The following FASN variants were observed in gnomAD, a reference collection of about 807,000 sequenced individuals.
FASN encodes 3-hydroxyacyl-[acyl-carrier-protein] dehydratase.
In FASN, 50 loss-of-function variants were observed where a neutral mutation model predicts 250.0. The ratio of observed to expected loss-of-function variants is 0.20; its 90% confidence interval spans 0.16 to 0.25. The LOEUF (loss-of-function observed/expected upper bound fraction) is 0.25. Ranked by LOEUF, FASN falls within the 10% of genes least tolerant of loss-of-function variation. The probability of loss-of-function intolerance (pLI) is 1.00; values close to 1 mark genes in which losing one functional copy is unlikely to be tolerated. For missense variants in FASN, 3,031 were observed against 3,498.5 expected, an observed-to-expected ratio of 0.87 and a Z score of 3.37; for synonymous variants, 1,909 against 1,584.0, an observed-to-expected ratio of 1.21 and a Z score of -4.87.
chr17:82,091,419 T>G lies in FASN; in HGVS notation c.1295A>C (p.Glu432Ala), dbSNP rs1359849016. Residue 432 changes from glutamate (E) to alanine (A), a missense_variant, in exon 9 of 43, where the codon GAG (glutamate) becomes GCG (alanine). Physicochemically the swap from Glu to Ala is moderately radical, Grantham distance 107. Coordinates refer to ENST00000306749, the MANE Select transcript of FASN (RefSeq NM_004104.5). ...RLLRASGRTPEAVQKLLEQGL... is the reference protein window; with the variant it reads ...RLLRASGRTPAAVQKLLEQGL... ...CTGCTCCAGCAGCTTCTGCACGGCC[T>G]CAGGGGTGCGTCCGCTGGCCCGCAG... 1.9e-6 allele frequency: 3 copies of G among 1,608,896 alleles called. No individual in the cohort carries two copies. Among genetic ancestry groups the G allele is most frequent in the Non-Finnish European group, 2.5e-6 (3 of 1,178,336 alleles).
Position 82,083,054 on chromosome 17 carries a change from A to G in FASN, c.5627T>C (p.Ile1876Thr). 1 of 1,612,462 alleles carries G rather than the reference A, an allele frequency of 6.2e-7. No individual in the cohort carries two copies. Among genetic ancestry groups the G allele is most frequent in the East Asian group, 2.2e-5 (1 of 44,870 alleles). The change falls in exon 33 of 43, where the codon ATC becomes ACC. Residue 1876 changes from isoleucine (I) to threonine (T), a missense_variant. Ile to Thr is a moderately conservative substitution (Grantham distance 89). Transcript: ENST00000306749. The part of the protein sequence containing the change: ...KGAKPKLMSA[I>T]SKTFCPAHKS... ...GTGGGCCGGGCAGAAGGTCTTGGAGATGGCCGACATCAGCTTGGGTTTGGC... is the reference window on the plus strand; with the variant it reads ...GTGGGCCGGGCAGAAGGTCTTGGAGGTGGCCGACATCAGCTTGGGTTTGGC...
chr17:82,079,655 G>C, intron 41 of FASN, 47 bp from the exon 42 acceptor site: 1 of 1,593,914 alleles, frequency 6.3e-7, no homozygotes, highest in Non-Finnish European at 8.5e-7. Flanking sequence ...CCACAGCACC[G>C]GCCTGCCCTG....
chr17:82,093,483 C>T, intron 4 of FASN, 64 bp from the exon 5 acceptor site: 1 of 1,582,980 alleles, frequency 6.3e-7, no homozygotes, highest in Admixed American at 1.8e-5. Flanking sequence ...GAGCACACCT[C>T]CTGCCACCAG....
Position 82,088,884 on chromosome 17 carries a change from C to T in FASN, c.2305-8G>A, listed in dbSNP as rs374442334. On this transcript the variant is annotated splice_polypyrimidine_tract_variant and splice_region_variant and intron_variant, in intron 14 of 42. Transcript: ENST00000306749. The stretch of plus-strand genomic sequence containing the variant: ...GCCACGCTTCAGGACAGCCTGGGGG[C>T]GGCAGGGCAGGTGGGCTCTCTTGGT... 4.3e-6 allele frequency: 7 copies of T among 1,611,574 alleles called. No individual in the cohort carries two copies. The highest frequency in any genetic ancestry group is 2.7e-5 in the African/African-American group (2 of 74,882).
Position 82,081,215 on chromosome 17 carries a change from G to C in FASN, c.6544C>G (p.Leu2182Val). 6.3e-7 allele frequency: 1 copy of C among 1,593,984 alleles called. No homozygotes were observed. Reference protein sequence around the residue: ...LVLSVREVRQLTLRKLQELSS... With the variant: ...LVLSVREVRQVTLRKLQELSS... ...AGCTCCTGCAGTTTCCGGAGCGTGA[G>C]TTGCCGCACCTCGCGCACGGACAGC... Residue 2182 changes from leucine (L) to valine (V), a missense_variant, in exon 38 of 43, where the codon CTC becomes GTC. Coordinates refer to ENST00000306749, the MANE Select transcript of FASN (RefSeq NM_004104.5).
In FASN at chr17:82,081,073, C is replaced by T. The variant is rs748016182; in HGVS notation, c.6595+91G>A. On this transcript the variant is annotated intron_variant, in intron 38 of 42. Transcript: ENST00000306749. Reference sequence around the variant, plus strand: ...TCAGAATGGCACCCGTGACGAAGGGCGGTATGCCTGCCGGGACACGGTCCA... The same window carrying T: ...TCAGAATGGCACCCGTGACGAAGGGTGGTATGCCTGCCGGGACACGGTCCA... 4.8e-5 allele frequency: 70 copies of T among 1,471,072 alleles called. No homozygotes were observed. The Middle Eastern group carries it at 4.5e-3, about 95-fold the overall frequency. The allele number at this position is 1,471,072 out of a possible 1,614,324, so 91.1% of individuals were successfully genotyped here.
Position 82,085,296 on chromosome 17 carries a change from T to C in FASN, c.4229A>G (p.Asp1410Gly). The change falls in exon 24 of 43, where the codon GAC becomes GGC. Residue 1410 changes from aspartate to glycine, a missense_variant. Physicochemically the swap from Asp to Gly is moderately conservative, Grantham distance 94. Coordinates refer to ENST00000306749, the MANE Select transcript of FASN (RefSeq NM_004104.5). ...LFLCRRPTPQ[D>G]SPIFLPVDDT... ...GTCCACCGGCAGGAAGATGGGGCTG[T>C]CCTGCGGGGTGGGCCGGCGGCACAG... 4.3e-6 allele frequency: 7 copies of C among 1,611,376 alleles called. No homozygotes were observed. The highest frequency in any genetic ancestry group is 5.9e-6 in the Non-Finnish European group (7 of 1,179,478).
intron 14 of FASN, 22 bp downstream of exon 14, chr17:82,088,947 G>A: frequency 1.2e-6 from 2 of 1,607,850 alleles, no homozygotes; most frequent in Non-Finnish European, 1.7e-6. Flanking sequence ...CCCGGCGCCT[G>A]CTGCCCCCAG....
chr17:82,082,954 C>A lies in FASN; in HGVS notation c.5727G>T (p.Val1909=). The A allele has an allele frequency of 1.2e-6, 2 of 1,612,832 alleles. No homozygotes were observed. The highest frequency in any genetic ancestry group is 1.7e-6 in the Non-Finnish European group (2 of 1,179,986). ...AGCGAGAAGTCAACACGAGCTTCTG[C>A]ACCCCACGCTGTATCAGCCACTGCG... ...ELAQWLIQRG[V]QKLVLTSRSG... Residue 1909 remains valine (V), a synonymous_variant, in exon 33 of 43, where the codon GTG becomes GTT. Coordinates refer to ENST00000306749, the MANE Select transcript of FASN (RefSeq NM_004104.5).
rs1475746738 is a variant in FASN, at chr17:82,086,465, G to A, written c.3521C>T (p.Ser1174Leu). The change falls in exon 22 of 43, where the codon TCA becomes TTA. Residue 1174 changes from serine (S) to leucine (L), a missense_variant. Ser to Leu is a moderately radical substitution (Grantham distance 145). Coordinates refer to ENST00000306749, the MANE Select transcript of FASN (RefSeq NM_004104.5). The part of the protein sequence containing the change: ...LDGAQIPRDP[S>L]QQELPRLLSA... ...CAACAGCCGGGGCAGTTCCTGCTGT[G>A]AGGGGTCCCGGGGGATCTGGGCCCC... 1.3e-5 allele frequency: 21 copies of A among 1,612,350 alleles called. No individual in the cohort carries two copies. The highest frequency in any genetic ancestry group is 1.6e-5 in the Non-Finnish European group (19 of 1,179,962).
Position 82,083,094 on chromosome 17 carries a change from C to T in FASN, c.5587G>A (p.Ala1863Thr). 6.2e-7 allele frequency: 1 copy of T among 1,610,660 alleles called. No homozygotes were observed. The highest frequency in any genetic ancestry group is 8.5e-7 in the Non-Finnish European group (1 of 1,179,970). Residue 1863 changes from alanine to threonine, a missense_variant, in exon 33 of 43, where the codon GCA (alanine) becomes ACA (threonine). Ala to Thr is a moderately conservative substitution (Grantham distance 58). Coordinates refer to ENST00000306749, the MANE Select transcript of FASN (RefSeq NM_004104.5). ...TTGGGTTTGGCCCCCTTCAGCACTGCCTCCGGCTCCTCCGCAAGCACCTGC... is the reference window on the plus strand; with the variant it reads ...TTGGGTTTGGCCCCCTTCAGCACTGTCTCCGGCTCCTCCGCAAGCACCTGC... Reference protein sequence around the residue: ...VVQVLAEEPEAVLKGAKPKLM... With the variant: ...VVQVLAEEPETVLKGAKPKLM...
chr17:82,097,949 C>T (rs904244984), intron 1 of FASN, among the ~76,000 whole-genome samples, 172 bp downstream of exon 1: 4 of 152,044 alleles, frequency 2.6e-5, no homozygotes, highest in Non-Finnish European at 4.4e-5. Context: ...CCGGGCGCCT[C>T]CGAAGGGGCA....
At chr17:82,083,721 C>T in intron 30 of FASN, 51 bp downstream of exon 30, 1 of 1,608,738 alleles carries the variant, frequency 6.2e-7, no homozygotes, top group Non-Finnish European at 8.5e-7. Context: ...CTGCTTCTCC[C>T]TGGGCCGGAG....
At chr17:82,088,080 C>T (rs1482610517) in intron 17 of FASN, 36 bp downstream of exon 17, 4 of 1,612,528 alleles carry the variant, frequency 2.5e-6, no homozygotes, top group African/African-American at 1.3e-5. Context: ...ACCCGCCCCC[C>T]AGCTACCCCC....
chr17:82,085,105 T>G lies in FASN; in HGVS notation c.4339A>C (p.Asn1447His), dbSNP rs1350114852. Residue 1447 changes from asparagine (N) to histidine (H), a missense_variant, in exon 25 of 43, where the codon AAC (asparagine) becomes CAC (histidine). By Grantham distance (68) the Asn-to-His change is moderately conservative. Coordinates refer to ENST00000306749, the MANE Select transcript of FASN (RefSeq NM_004104.5). ...CCCACCACGCCCGAGGTGGCACAGT[T>G]GATGGCCTTCAGCCACACAGGCCGG... ...SSRPVWLKAI[N>H]CATSGVVGLV... The G allele has an allele frequency of 3.1e-6, 5 of 1,612,226 alleles. No homozygotes were observed. The East Asian group carries it at 1.1e-4, about 36-fold the overall frequency.
Position 82,087,678 on chromosome 17 carries a change from T to C in FASN, c.3043+7A>G. 6.2e-7 allele frequency: 1 copy of C among 1,610,862 alleles called. No homozygotes were observed. Among genetic ancestry groups the C allele is most frequent in the East Asian group, 2.2e-5 (1 of 44,866 alleles). On this transcript the variant is annotated splice_region_variant and intron_variant, in intron 19 of 42. Coordinates refer to ENST00000306749, the MANE Select transcript of FASN (RefSeq NM_004104.5). ...GTGGCTTGGGCAGCAGTGTAGTCAG[T>C]ACCCACCTTCCAGGCTGGCCTCCAG...
chr17:82,093,500 C>G lies in FASN; in HGVS notation c.455-81G>C, dbSNP rs558758082. On this transcript the variant is annotated intron_variant, in intron 4 of 42. Transcript: ENST00000306749. ...GCACACCTCCTGCCACCAGGCTGGA[C>G]ACACACTGCACGGAGTGAGCCCACG... 109 of 1,588,866 alleles carry G rather than the reference C, an allele frequency of 6.9e-5. 1 individual carries two copies. In the Admixed American group the frequency reaches 1.1e-3, roughly 16 times the overall value.
chr17:82,092,910 G>A lies in FASN; in HGVS notation c.765C>T (p.Gly255=), dbSNP rs760401780. 5 of 1,604,030 alleles carry A rather than the reference G, an allele frequency of 3.1e-6. No homozygotes were observed. The highest frequency in any genetic ancestry group is 1.3e-5 in the African/African-American group (1 of 74,832). The change falls in exon 6 of 43, where the codon GGC becomes GGT. Residue 255 remains glycine (G), a synonymous_variant. Transcript: ENST00000306749. The stretch of plus-strand genomic sequence containing the variant: ...GGCAGAGCCCACCTTGCTCCTTGAA[G>A]CCATCTGTATTGGTGCCGGCGTTCA... The part of the protein sequence containing the change: ...TILNAGTNTD[G]FKEQGVTFPS...
Position 82,091,440 on chromosome 17 carries a change from C to G in FASN, c.1274G>C (p.Arg425Pro). 1 of 1,607,260 alleles carries G rather than the reference C, an allele frequency of 6.2e-7. No homozygotes were observed. Among genetic ancestry groups the G allele is most frequent in the Non-Finnish European group, 8.5e-7 (1 of 1,177,504 alleles). Residue 425 changes from arginine (R) to proline (P), a missense_variant, in exon 9 of 43, where the codon CGG becomes CCG. Physicochemically the swap from Arg to Pro is moderately radical, Grantham distance 103. Transcript: ENST00000306749. The part of the protein sequence containing the change: ...APHATLPRLL[R>P]ASGRTPEAVQ... Reference sequence around the variant, plus strand: ...GGCCTCAGGGGTGCGTCCGCTGGCCCGCAGCAGACGGGGCAGGGTGGCATG... The same window carrying G: ...GGCCTCAGGGGTGCGTCCGCTGGCCGGCAGCAGACGGGGCAGGGTGGCATG...
Sources: gnomAD v4.1 joint callset for allele counts (sites outside exome capture counted in the v4.1 genomes callset) on GRCh38, gnomAD v4.1.1 for gene constraint, MANE v1.5 for transcripts, NCBI Gene and HGNC (gene_info 2026-07-23, HGNC 2026-07-21) for gene names.